GTPBP1: variants seen among roughly 807,000 people sequenced by gnomAD.
GTPBP1 encodes GTP binding protein 1, also known as GTP-binding protein 1.
GTPBP1 carries 23 observed loss-of-function variants against 62.0 expected under a neutral mutation model. That is an observed-to-expected ratio of 0.37 (90% CI 0.27 to 0.53). The LOEUF (loss-of-function observed/expected upper bound fraction) is 0.53, where lower values mean the gene tolerates loss of function less well. GTPBP1 is among the 20% of genes least tolerant of loss of function. The pLI, the probability that GTPBP1 is intolerant of heterozygous loss-of-function variation, is 0.89. For synonymous variants in GTPBP1, 344 were observed against 364.4 expected (o/e 0.94, Z 0.64); for missense variants, 640 against 917.3 (o/e 0.70, Z 3.90).
downstream of GTPBP1, chr22:38,738,530 G>T: frequency 6.3e-7 from 1 of 1,580,878 alleles, no homozygotes. The surrounding 1 kb of genome is among the most constrained non-coding windows in gnomAD (Gnocchi z 6.6). Flanking sequence ...CCTCAGTAGA[G>T]AGGCCCACAG....
chr22:38,738,944 T>C, downstream of GTPBP1: 1 of 1,613,696 alleles, frequency 6.2e-7, no homozygotes, highest in African/African-American at 1.3e-5. This position sits in a 1 kb window ranked among gnomAD's most constrained non-coding sequence, Gnocchi z 6.6. Context: ...AGGGCCGTCT[T>C]GGTCTCGTAG....
Position 38,727,218 on chromosome 22 carries a change from G to A in GTPBP1, c.1407G>A (p.Lys469=). 2 of 1,580,594 alleles carry A rather than the reference G, an allele frequency of 1.3e-6. No individual in the cohort carries two copies. The highest frequency in any genetic ancestry group is 2.3e-5 in the South Asian group (2 of 87,144). ...QTASFALKKI[K]RSSIRKGMVM... is the part of the protein sequence containing the mutation. Reference sequence around the variant, plus strand: ...GGGCTCCCTCTTTCTTTCAGATCAAGCGCTCGTCCATCCGGAAGGGCATGG... The same window carrying A: ...GGGCTCCCTCTTTCTTTCAGATCAAACGCTCGTCCATCCGGAAGGGCATGG... Residue 469 remains lysine (K), a synonymous_variant, in exon 9 of 12, where the codon AAG becomes AAA. Transcript: ENST00000216044. This position sits in a 1 kb window ranked among gnomAD's most constrained non-coding sequence, Gnocchi z 6.5.
chr22:38,705,979 C>A lies in GTPBP1; in HGVS notation c.24C>A (p.Ser8=), dbSNP rs1352189538. 2.6e-5 allele frequency: 37 copies of A among 1,447,842 alleles called. No individual in the cohort carries two copies. Among genetic ancestry groups the A allele is most frequent in the Non-Finnish European group, 3.2e-5 (35 of 1,098,096 alleles). The allele number at this position is 1,447,842 out of a possible 1,614,324, so 89.7% of individuals were successfully genotyped here. A position where few individuals can be genotyped will look rare whatever the true frequency, so the allele number is the denominator to read the frequency against. Residue 8 remains serine, a synonymous_variant, in exon 1 of 12, where the codon TCC becomes TCA. Transcript: ENST00000216044. ...AGATGGCGACGGAGCGCAGTCGCTC[C>A]GCGATGGACTCGCCGGTCCCGGCCT... is the stretch of plus-strand genomic sequence containing the variant. MATERSR[S]AMDSPVPASM...
downstream of GTPBP1, chr22:38,740,168 A>T: frequency 7.1e-7 from 1 of 1,403,308 alleles, no homozygotes; most frequent in Non-Finnish European, 9.4e-7. This position sits in a 1 kb window ranked among gnomAD's most constrained non-coding sequence, Gnocchi z 4.8. Flanking sequence ...GGCATAACAG[A>T]GGCTGCAGGG....
rs866981487 is a variant in GTPBP1, at chr22:38,706,069, C to T, written c.114C>T (p.Leu38=). 1 of 1,362,938 alleles carries T rather than the reference C, an allele frequency of 7.3e-7. No homozygotes were observed. 84.4% of individuals were successfully genotyped at this position (1,362,938 alleles called of 1,614,324 possible). ...GGGCCGCGGCGGCCGCCGCCCGACT[C>T]CACGGCGGCTTTGACTCGGACTGCA... ...AARAAAAAAR[L]HGGFDSDCSE... Residue 38 remains leucine, a synonymous_variant, in exon 1 of 12, where the codon CTC becomes CTT. Transcript: ENST00000216044.
intron 4 of GTPBP1, among the ~76,000 whole-genome samples, chr22:38,720,099 T>C (rs758594120): frequency 6.6e-5 from 10 of 151,794 alleles, no homozygotes; most frequent in Non-Finnish European, 1.5e-4. Flanking sequence ...CAGCTAATTT[T>C]TTGTATTTTT....
At chr22:38,740,937 C>T, downstream of GTPBP1, 1 of 1,479,928 alleles carries the variant, frequency 6.8e-7, no homozygotes, top group South Asian at 1.2e-5. The surrounding 1 kb of genome is among the most constrained non-coding windows in gnomAD (Gnocchi z 4.8). Context: ...GGCTCTGCTC[C>T]CCAGTCCTGC....
downstream of GTPBP1, among the ~76,000 whole-genome samples, chr22:38,733,800 C>G (rs1186997996): frequency 6.6e-6 from 1 of 152,204 alleles, no homozygotes; most frequent in East Asian, 1.9e-4. Flanking sequence ...GGGGAAGTAC[C>G]ATGGAGCCGG....
At chr22:38,713,789 G>C (rs2092653523) in intron 2 of GTPBP1, among the ~76,000 whole-genome samples, 1 of 152,318 alleles carries the variant, frequency 6.6e-6, no homozygotes, top group East Asian at 1.9e-4. Context: ...GTTAGTGTCT[G>C]TGCTGTTGTT....
intron 4 of GTPBP1, among the ~76,000 whole-genome samples, chr22:38,720,262 C>G (rs2092692848): frequency 1.3e-5 from 2 of 151,810 alleles, no homozygotes; most frequent in South Asian, 2.1e-4. Flanking sequence ...CACTCTTGCC[C>G]AGGCTGGAGT....
intron 5 of GTPBP1, chr22:38,722,612 A>G: frequency 8.2e-7 from 1 of 1,221,914 alleles, no homozygotes; most frequent in East Asian, 2.5e-5. Context: ...AGCCATTTAG[A>G]GTAATATTTA....
intron 1 of GTPBP1, among the ~76,000 whole-genome samples, chr22:38,708,050 C>G (rs73415485): frequency 6.6e-6 from 1 of 152,322 alleles, no homozygotes; most frequent in African/African-American, 2.4e-5. Context: ...ATTTATTGAG[C>G]TGTGGACTAG....
chr22:38,708,859 C>T lies in GTPBP1; in HGVS notation c.207C>T (p.Ser69=). 1.2e-6 allele frequency: 2 copies of T among 1,602,288 alleles called. No homozygotes were observed. Among genetic ancestry groups the T allele is most frequent in the Non-Finnish European group, 1.7e-6 (2 of 1,169,158 alleles). Residue 69 remains serine (S), a synonymous_variant, in exon 2 of 12, where the codon AGC becomes AGT. Transcript: ENST00000216044. ...LDLTSKLVLV[S]PTSEQYDSLL... ...TTCTTTTCTAGCTGGTTCTAGTGAG[C>T]CCTACATCAGAGCAGTATGACAGCC... is the stretch of plus-strand genomic sequence containing the variant.
In GTPBP1 at chr22:38,732,217, A is replaced by G. The variant is rs373892620; in HGVS notation, c.*1513A>G. 9.2e-5 allele frequency: 14 copies of G among 152,640 alleles called. No homozygotes were observed. The highest frequency in any genetic ancestry group is 3.1e-4 in the African/African-American group (13 of 41,430). The allele number at this position is 152,640 out of a possible 1,614,324, so 9.5% of individuals were successfully genotyped here. ...CGTGGACTGATCAGACCAGCATTCA[A>G]AATAAAAGTTTGTTCCAAGTTGACA... On this transcript the variant is annotated 3_prime_UTR_variant, in exon 12 of 12. Coordinates refer to ENST00000216044, the MANE Select transcript of GTPBP1 (RefSeq NM_004286.5).
intron 4 of GTPBP1, among the ~76,000 whole-genome samples, chr22:38,718,546 T>A (rs2092683009): frequency 6.6e-6 from 1 of 151,884 alleles, no homozygotes; most frequent in Non-Finnish European, 1.5e-5. Flanking sequence ...CTGCATTGGG[T>A]TGGAAAGGTG....
chr22:38,739,441 C>G, downstream of GTPBP1: 1 of 1,612,638 alleles, frequency 6.2e-7, no homozygotes, highest in South Asian at 1.1e-5. This position sits in a 1 kb window ranked among gnomAD's most constrained non-coding sequence, Gnocchi z 6.7. Flanking sequence ...AATGCAGGCA[C>G]CAGGAGACGG....
chr22:38,731,008 T>TC lies in GTPBP1; in HGVS notation c.*304_*305insC. On this transcript the variant is annotated 3_prime_UTR_variant, in exon 12 of 12. Coordinates refer to ENST00000216044, the MANE Select transcript of GTPBP1 (RefSeq NM_004286.5). ...TTTATTATATGTCTCTGTCTCTCTC[T>TC]ATTGTGTGTGTGTGTGTGTGTGTGT... is the stretch of plus-strand genomic sequence containing the variant. The TC allele has an allele frequency of 3.5e-6, 1 of 286,086 alleles. No homozygotes were observed. Among genetic ancestry groups the TC allele is most frequent in the Non-Finnish European group, 5.9e-6 (1 of 169,292 alleles). 17.7% of individuals were successfully genotyped at this position (286,086 alleles called of 1,614,324 possible).
At chr22:38,734,359 G>C, downstream of GTPBP1, 1 of 445,228 alleles carries the variant, frequency 2.2e-6, no homozygotes, top group Non-Finnish European at 4.6e-6. Context: ...AATTCCCATG[G>C]AGGAGAATCA....
chr22:38,739,940 C>T, downstream of GTPBP1: 1 of 1,610,310 alleles, frequency 6.2e-7, no homozygotes, highest in Non-Finnish European at 8.5e-7. The surrounding 1 kb of genome is among the most constrained non-coding windows in gnomAD (Gnocchi z 6.7). Flanking sequence ...AACTGAGATT[C>T]CACCTATAGG....
Sources: allele counts gnomAD v4.1 joint callset (sites outside exome capture counted in the v4.1 genomes callset), GRCh38; gene constraint gnomAD v4.1.1; non-coding constraint Gnocchi (gnomAD v3.1); transcripts MANE v1.5; gene names NCBI Gene and HGNC (gene_info 2026-07-23, HGNC 2026-07-21).